The following UMAD1 variants were observed in gnomAD, a reference collection of about 807,000 sequenced individuals.
The protein encoded by UMAD1 is UBAP1-MVB12-associated (UMA) domain containing 1.
A neutral mutation model predicts 6.1 loss-of-function variants in UMAD1; 8 were observed. The observed-to-expected ratio is 1.30, with a 90% CI of 0.76 to 2.35. The LOEUF (loss-of-function observed/expected upper bound fraction) is 2.35, where lower values mean the gene tolerates loss of function less well. UMAD1 is among the 30% of genes most tolerant of loss of function. The probability of loss-of-function intolerance (pLI) is 0.00; values close to 1 mark genes in which losing one functional copy is unlikely to be tolerated. For missense variants in UMAD1, 130 were observed against 78.4 expected (o/e 1.66, Z -2.49); for synonymous variants, 56 against 31.4 (o/e 1.78, Z -2.61).
intron 3 of UMAD1, among the ~76,000 whole-genome samples, chr7:7,854,355 CAAAAAAAAAAA>C (rs34829393): frequency 8.1e-5 from 4 of 49,166 alleles, no homozygotes; most frequent in Non-Finnish European, 1.1e-4. Flanking sequence ...AGCTCCATCT[CAAAAAAAAAAA>C]AAAAAAAAAA....
At chr7:7,841,049 T>C (rs1783670511) in intron 3 of UMAD1, among the ~76,000 whole-genome samples, 1 of 152,218 alleles carries the variant, frequency 6.6e-6, no homozygotes, top group Admixed American at 6.5e-5. Context: ...TGTGTTTCAG[T>C]GTACCTGTGC....
At chr7:7,697,644 T>C (rs927727872) in intron 2 of UMAD1, among the ~76,000 whole-genome samples, 6 of 152,200 alleles carry the variant, frequency 3.9e-5, no homozygotes, top group African/African-American at 1.4e-4. Flanking sequence ...TAAGCTGATA[T>C]TATCACATTC....
At chr7:7,647,445 A>G (rs574776124) in intron 1 of UMAD1, among the ~76,000 whole-genome samples, 50 of 152,316 alleles carry the variant, frequency 3.3e-4, no homozygotes, top group Non-Finnish European at 6.5e-4. Context: ...TGGCAAAAAA[A>G]TGTATTTTCC....
At chr7:7,731,444 GAAGAAAAAGGAA>G (rs755175433) in intron 2 of UMAD1, among the ~76,000 whole-genome samples, 83 of 141,848 alleles carry the variant, frequency 5.9e-4, no homozygotes, top group Non-Finnish European at 9.5e-4. Flanking sequence ...TAGCAGTGAG[GAAGAAAAAGGAA>G]AAGGAAAAGG....
chr7:7,806,632 A>T (rs941091828), intron 3 of UMAD1, among the ~76,000 whole-genome samples: 22 of 152,132 alleles, frequency 1.4e-4, no homozygotes, highest in African/African-American at 4.8e-4. Flanking sequence ...CCATAAAAAA[A>T]TTTTCTTGCA....
rs777081232 is a variant in UMAD1, at chr7:7,742,075, T to C, written c.83-59595T>C. On this transcript the variant is annotated intron_variant, in intron 2 of 3. Coordinates refer to ENST00000682710, the MANE Select transcript of UMAD1 (RefSeq NM_001302348.2). ...CAGGGCTTGGTACATCATAGATGTTTAGTAAACGCTTGTTGATATGATGAA... is the reference window on the plus strand; with the variant it reads ...CAGGGCTTGGTACATCATAGATGTTCAGTAAACGCTTGTTGATATGATGAA... The C allele has an allele frequency of 7.9e-5, 45 of 567,908 alleles. 1 individual carries two copies. Among genetic ancestry groups the C allele is most frequent in the Non-Finnish European group, 1.4e-4 (41 of 290,454 alleles). The allele number at this position is 567,908 out of a possible 1,614,324, so 35.2% of individuals were successfully genotyped here.
In UMAD1 at chr7:7,830,552, T is replaced by C. The variant is rs1433910399; in HGVS notation, c.156+28809T>C. Among the ~76,000 whole-genome samples the C allele has an allele frequency of 6.6e-6, 1 of 152,152 alleles. No homozygotes were observed. Among genetic ancestry groups the C allele is most frequent in the East Asian group, 1.9e-4 (1 of 5,194 alleles). ...TAACATGCGTGTTTTTCTTCTTTGC[T>C]CTGGGTGCCCAAAAACTGTGAGCCA... On this transcript the variant is annotated intron_variant, in intron 3 of 3. Coordinates refer to ENST00000682710, the MANE Select transcript of UMAD1 (RefSeq NM_001302348.2). The surrounding 1 kb of genome is among the most constrained non-coding windows in gnomAD (Gnocchi z 5.3).
At chr7:7,802,656 C>G (rs1390765758) in intron 3 of UMAD1, among the ~76,000 whole-genome samples, 1 of 152,100 alleles carries the variant, frequency 6.6e-6, no homozygotes, top group Non-Finnish European at 1.5e-5. Context: ...AAATGTGAAA[C>G]TTTCTACGTA....
In UMAD1 at chr7:7,879,066, G is replaced by A. The variant is rs1177535613; in HGVS notation, c.*1528G>A. 6.6e-6 allele frequency: 1 copy of A among 152,114 alleles called. No homozygotes were observed. The allele number at this position is 152,114 out of a possible 1,614,324, so 9.4% of individuals were successfully genotyped here. A position where few individuals can be genotyped will look rare whatever the true frequency, so the allele number is the denominator to read the frequency against. ...GCACATAGTCAGTTTGTCTAATTTT[G>A]TGTGAAATTTTGTCGAAAATACCTA... On this transcript the variant is annotated 3_prime_UTR_variant, in exon 4 of 4. Transcript: ENST00000682710.
intron 2 of UMAD1, among the ~76,000 whole-genome samples, chr7:7,761,342 G>A (rs540680840): frequency 7.9e-4 from 83 of 104,882 alleles, no homozygotes; most frequent in African/African-American, 3.5e-3. Flanking sequence ...TCCATCCTGG[G>A]TGATAAAAGT....
At chr7:7,658,369 G>T (rs757018799) in intron 1 of UMAD1, among the ~76,000 whole-genome samples, 43 of 152,224 alleles carry the variant, frequency 2.8e-4, no homozygotes, top group Non-Finnish European at 4.8e-4. Context: ...TGGTGAGAGA[G>T]GGCATCCTTG....
intron 2 of UMAD1, among the ~76,000 whole-genome samples, chr7:7,747,499 T>G (rs767521424): frequency 2.6e-5 from 4 of 152,166 alleles, no homozygotes; most frequent in Non-Finnish European, 5.9e-5. Flanking sequence ...AGAGGATGGC[T>G]CTCTTTCCAT....
chr7:7,659,009 C>T (rs1255395936), intron 1 of UMAD1, among the ~76,000 whole-genome samples: 17 of 152,206 alleles, frequency 1.1e-4, no homozygotes, highest in East Asian at 5.8e-4. Context: ...TTCAGGGATT[C>T]GACTTCTTCC....
intron 3 of UMAD1, among the ~76,000 whole-genome samples, chr7:7,822,376 T>A (rs1428761465): frequency 6.6e-6 from 1 of 151,932 alleles, no homozygotes; most frequent in African/African-American, 2.4e-5. Flanking sequence ...TTAATCTTGT[T>A]CCAAAAAAAA....
chr7:7,697,182 T>C (rs1780341389), intron 2 of UMAD1, among the ~76,000 whole-genome samples: 1 of 152,218 alleles, frequency 6.6e-6, no homozygotes, highest in Non-Finnish European at 1.5e-5. Flanking sequence ...CACTTCTTGA[T>C]GGAATGTGTA....
intron 3 of UMAD1, among the ~76,000 whole-genome samples, chr7:7,829,579 G>T (rs767400942): frequency 3.3e-5 from 5 of 152,068 alleles, no homozygotes; most frequent in African/African-American, 4.8e-5. Flanking sequence ...CAGTGCTTTA[G>T]GTCTCATATA....
chr7:7,712,715 G>C (rs1267276949), intron 2 of UMAD1, among the ~76,000 whole-genome samples: 1 of 152,184 alleles, frequency 6.6e-6, no homozygotes, highest in East Asian at 1.9e-4. Context: ...ATGTTGAAGA[G>C]AAGTGTCAAA....
intron 1 of UMAD1, among the ~76,000 whole-genome samples, chr7:7,665,915 T>A (rs1224182845): frequency 6.6e-6 from 1 of 152,178 alleles, no homozygotes; most frequent in African/African-American, 2.4e-5. Flanking sequence ...TGGCAGTTTT[T>A]AAAAATCCAT....
intron 1 of UMAD1, 83 bp from the exon 2 acceptor site, chr7:7,673,226 C>G: frequency 1.2e-6 from 1 of 849,118 alleles, no homozygotes; most frequent in Non-Finnish European, 1.9e-6. Flanking sequence ...ATTGTTATAT[C>G]GTTATGCTGA....
Sources: allele counts gnomAD v4.1 joint callset (sites outside exome capture counted in the v4.1 genomes callset), GRCh38; gene constraint gnomAD v4.1.1; non-coding constraint Gnocchi (gnomAD v3.1); transcripts MANE v1.5; gene names NCBI Gene and HGNC (gene_info 2026-07-23, HGNC 2026-07-21).